The following NRG2 variants were observed in gnomAD, a reference collection of about 807,000 sequenced individuals.
The protein encoded by NRG2 is pro-neuregulin-2, membrane-bound isoform.
Under a neutral mutation model 73.9 loss-of-function variants are expected in NRG2, and 27 were observed. The ratio of observed to expected loss-of-function variants is 0.37; its 90% CI spans 0.27 to 0.50. NRG2 has a LOEUF of 0.50. Ranked by LOEUF, NRG2 falls within the 20% of genes least tolerant of loss-of-function variation. The pLI, the probability that NRG2 is intolerant of heterozygous loss-of-function variation, is 0.96. For synonymous variants in NRG2, 532 were observed against 541.0 expected, an observed-to-expected ratio of 0.98 and a Z score of 0.23; for missense variants, 1,126 against 1,210.1, an observed-to-expected ratio of 0.93 and a Z score of 1.03.
chr5:139,982,827 A>C (rs1341788376), intron 1 of NRG2, among the ~76,000 whole-genome samples: 1 of 152,176 alleles, frequency 6.6e-6, no homozygotes, highest in Non-Finnish European at 1.5e-5. Flanking sequence ...GCTGAGGAGT[A>C]GTCTTGCCCA....
At chr5:139,933,270 G>T (rs138797395) in intron 1 of NRG2, among the ~76,000 whole-genome samples, 1 of 151,004 alleles carries the variant, frequency 6.6e-6, no homozygotes, top group South Asian at 2.1e-4. Context: ...GTGAGACTCC[G>T]TCTCAAAAAA....
At chr5:140,024,032 G>C (rs1447691611) in intron 1 of NRG2, among the ~76,000 whole-genome samples, 3 of 152,026 alleles carry the variant, frequency 2.0e-5, no homozygotes, top group Admixed American at 6.6e-5. Flanking sequence ...ACGTAAAACT[G>C]ACATCCCCTG....
intron 1 of NRG2, among the ~76,000 whole-genome samples, chr5:139,895,234 C>A (rs1207351895): frequency 6.6e-6 from 1 of 152,238 alleles, no homozygotes; most frequent in African/African-American, 2.4e-5. Context: ...GAAACACTGG[C>A]CTCCTCAGGG....
At position 139,975,059 on chromosome 5, in the gene NRG2, G is replaced by A. The variant is rs993980000; in HGVS notation, c.700+67311C>T. Among the ~76,000 whole-genome samples, 13 of 152,272 alleles carry A rather than the reference G, an allele frequency of 8.5e-5. No homozygotes were observed. The East Asian group carries it at 2.3e-3, about 27-fold the overall frequency. On this transcript the variant is annotated intron_variant, in intron 1 of 9. Coordinates refer to ENST00000361474, the MANE Select transcript of NRG2 (RefSeq NM_004883.3). ...TACACAAGCGCCTCATATGTGTGTC[G>A]TACATGTCTACTTGTCATGTGTACT... is the stretch of plus-strand genomic sequence containing the variant.
chr5:139,903,216 C>T (rs1362042946), intron 1 of NRG2, among the ~76,000 whole-genome samples: 4 of 152,154 alleles, frequency 2.6e-5, no homozygotes, highest in Non-Finnish European at 4.4e-5. Context: ...AGAGACCCAG[C>T]AAGTCTCAGG....
intron 1 of NRG2, among the ~76,000 whole-genome samples, chr5:139,902,335 G>C (rs1262145423): frequency 6.6e-6 from 1 of 152,224 alleles, no homozygotes; most frequent in Non-Finnish European, 1.5e-5. Context: ...TGAGGCAGAG[G>C]AAAAGCCCAT....
chr5:139,935,305 T>C (rs976522952), intron 1 of NRG2, among the ~76,000 whole-genome samples: 4 of 152,218 alleles, frequency 2.6e-5, no homozygotes, highest in African/African-American at 4.8e-5. Context: ...TCTGAATAGT[T>C]GATACAATAA....
chr5:140,007,030 A>G (rs265155), intron 1 of NRG2, among the ~76,000 whole-genome samples: 127,588 of 152,118 alleles, frequency 0.84, 53,835 homozygotes, highest in African/African-American at 0.93. Flanking sequence ...ATTTTGCCCC[A>G]CAGGGACGAT....
At chr5:139,982,649 T>C (rs889613081) in intron 1 of NRG2, among the ~76,000 whole-genome samples, 1 of 152,356 alleles carries the variant, frequency 6.6e-6, no homozygotes, top group South Asian at 2.1e-4. Flanking sequence ...TGGAACCATG[T>C]TGGAATTGTT....
intron 1 of NRG2, among the ~76,000 whole-genome samples, chr5:139,986,555 C>T (rs951499788): frequency 6.6e-6 from 1 of 152,106 alleles, no homozygotes; most frequent in Non-Finnish European, 1.5e-5. Context: ...TAATTGGTAA[C>T]AATAACTCCT....
At chr5:139,951,177 T>C (rs1362921038) in intron 1 of NRG2, among the ~76,000 whole-genome samples, 1 of 152,194 alleles carries the variant, frequency 6.6e-6, no homozygotes, top group Non-Finnish European at 1.5e-5. Context: ...AGGTACACAT[T>C]TGCTGGATAT....
chr5:140,032,396 G>C (rs1761221289), intron 1 of NRG2, among the ~76,000 whole-genome samples: 1 of 151,844 alleles, frequency 6.6e-6, no homozygotes, highest in African/African-American at 2.4e-5. Context: ...AGAAAATAAA[G>C]AAACTATGGA....
chr5:139,892,034 G>T (rs564346890), intron 1 of NRG2, among the ~76,000 whole-genome samples: 1 of 152,160 alleles, frequency 6.6e-6, no homozygotes, highest in Admixed American at 6.5e-5. Flanking sequence ...CATGCCTCCT[G>T]CTCTAGCAGC....
chr5:139,994,654 C>G (rs765605533), intron 1 of NRG2, among the ~76,000 whole-genome samples: 1 of 152,098 alleles, frequency 6.6e-6, no homozygotes, highest in Non-Finnish European at 1.5e-5. Context: ...TTCACTATCA[C>G]TTTTTTTAAT....
intron 1 of NRG2, among the ~76,000 whole-genome samples, chr5:140,009,077 C>G (rs1353846559): frequency 6.6e-6 from 1 of 152,158 alleles, no homozygotes; most frequent in Non-Finnish European, 1.5e-5. Context: ...CTATGCTTTC[C>G]CTAAAAGATC....
At chr5:139,998,398 G>A (rs751530626) in intron 1 of NRG2, among the ~76,000 whole-genome samples, 8 of 152,136 alleles carry the variant, frequency 5.3e-5, no homozygotes, top group Non-Finnish European at 1.0e-4. Flanking sequence ...CTGGAGGGCC[G>A]GCCACGTGAC....
rs79886847 is a variant in NRG2, at chr5:139,986,387, A to T, written c.700+55983T>A. Among the ~76,000 whole-genome samples the T allele has an allele frequency of 1.8e-4, 28 of 152,282 alleles. No individual in the cohort carries two copies. In the East Asian group the frequency reaches 5.4e-3, roughly 29 times the overall value. On this transcript the variant is annotated intron_variant, in intron 1 of 9. Transcript: ENST00000361474. ...GTCAATGATATAAATTGGTGATCAG[A>T]CTTCTCTTATAAAGCACACATACAC... is the stretch of plus-strand genomic sequence containing the variant.
At chr5:139,857,851 C>T (rs189586479) in intron 5 of NRG2, among the ~76,000 whole-genome samples, 3 of 152,214 alleles carry the variant, frequency 2.0e-5, no homozygotes, top group East Asian at 1.9e-4. Flanking sequence ...CGGATCCAGC[C>T]GCAAGTCCTC....
intron 1 of NRG2, among the ~76,000 whole-genome samples, chr5:139,964,560 C>G (rs1290077135): frequency 6.6e-6 from 1 of 152,218 alleles, no homozygotes; most frequent in Non-Finnish European, 1.5e-5. Context: ...TAAACATGCC[C>G]TTTCTACTAG....
Sources: allele counts gnomAD v4.1 joint callset (sites outside exome capture counted in the v4.1 genomes callset), GRCh38; gene constraint gnomAD v4.1.1; transcripts MANE v1.5; gene names NCBI Gene and HGNC (gene_info 2026-07-23, HGNC 2026-07-21).